Variants in GSK3A observed in about 807,000 individuals in gnomAD.
The protein encoded by GSK3A is glycogen synthase kinase 3 alpha, also known as glycogen synthase kinase-3 alpha.
Under a neutral mutation model 56.6 loss-of-function variants are expected in GSK3A, and 14 were observed. That is an observed-to-expected ratio of 0.25 (90% CI 0.16 to 0.39). GSK3A has a LOEUF of 0.39. GSK3A is among the 10% of genes least tolerant of loss of function. The pLI is 1.00. For missense variants in GSK3A, 450 were observed against 656.0 expected (o/e 0.69, Z 3.43); for synonymous variants, 301 against 285.0 (o/e 1.06, Z -0.56).
In GSK3A at chr19:42,240,060, G is replaced by C. The variant is rs781405859; in HGVS notation, c.366C>G (p.Ile122Met). 1 of 1,614,140 alleles carries C rather than the reference G, an allele frequency of 6.2e-7. No homozygotes were observed. The highest frequency in any genetic ancestry group is 1.1e-5 in the South Asian group (1 of 91,090). Residue 122 changes from isoleucine (I) to methionine (M), a missense_variant, in exon 2 of 11, where the codon ATC becomes ATG. Transcript: ENST00000222330. ...ERSQEVAYTD[I>M]KVIGNGSFGV... ...CAAATGAGCCATTGCCAATCACTTT[G>C]ATGTCCGTGTAAGCCACTTCTTGGG...
Position 42,232,698 on chromosome 19 carries a change from A to C in GSK3A, c.1099-16T>G. ...ATTTGAACACCTGAGGGATGGGTGCAGGGCTCATGAGGGTGAGATGCCCTG... is the reference window on the plus strand; with the variant it reads ...ATTTGAACACCTGAGGGATGGGTGCCGGGCTCATGAGGGTGAGATGCCCTG... On this transcript the variant is annotated splice_polypyrimidine_tract_variant and intron_variant, in intron 8 of 10. Transcript: ENST00000222330. 2 of 1,538,724 alleles carry C rather than the reference A, an allele frequency of 1.3e-6. No individual in the cohort carries two copies. The highest frequency in any genetic ancestry group is 1.8e-6 in the Non-Finnish European group (2 of 1,138,178).
At chr19:42,231,551 C>T (rs1232811512) in intron 10 of GSK3A, among the ~76,000 whole-genome samples, 3 of 151,838 alleles carry the variant, frequency 2.0e-5, no homozygotes, top group South Asian at 2.1e-4. Context: ...GGAGGCCAAG[C>T]GGGAAAATCA....
intron 2 of GSK3A, among the ~76,000 whole-genome samples, chr19:42,237,873 A>C (rs1223636269): frequency 6.6e-6 from 1 of 151,450 alleles, no homozygotes; most frequent in Non-Finnish European, 1.5e-5. Context: ...ACTCTGTCTC[A>C]AAAAATAATA....
chr19:42,237,260 G>C (rs1187743615), intron 2 of GSK3A, among the ~76,000 whole-genome samples: 1 of 151,448 alleles, frequency 6.6e-6, no homozygotes, highest in African/African-American at 2.4e-5. Context: ...CCTGGGTCAA[G>C]CAATTCTCCT....
At chr19:42,233,237 G>A (rs1321626443) in intron 7 of GSK3A, 32 bp from the exon 8 acceptor site, 1 of 1,589,494 alleles carries the variant, frequency 6.3e-7, no homozygotes, top group Admixed American at 1.7e-5. Flanking sequence ...TGAGACAAGG[G>A]CCCCATCCCT....
At chr19:42,230,912 G>A in intron 10 of GSK3A, 45 bp from the exon 11 acceptor site, 2 of 1,324,776 alleles carry the variant, frequency 1.5e-6, no homozygotes, top group Non-Finnish European at 2.1e-6. Flanking sequence ...TTGCCTTTCA[G>A]ACACCCCTTC....
chr19:42,238,464 G>A (rs1323668720), intron 2 of GSK3A, among the ~76,000 whole-genome samples: 3 of 150,844 alleles, frequency 2.0e-5, no homozygotes, highest in Middle Eastern at 3.2e-3. Flanking sequence ...AAAATTAGCC[G>A]AGAGTGGTGG....
intron 2 of GSK3A, among the ~76,000 whole-genome samples, chr19:42,237,842 G>A (rs908861668): frequency 2.6e-5 from 4 of 151,618 alleles, no homozygotes; most frequent in African/African-American, 9.7e-5. Context: ...TCGCGCCACT[G>A]CACTCCAGCC....
At chr19:42,231,498 A>G (rs1421379343) in intron 10 of GSK3A, among the ~76,000 whole-genome samples, 1 of 151,620 alleles carries the variant, frequency 6.6e-6, no homozygotes, top group Admixed American at 6.6e-5. Context: ...CGTGGACACC[A>G]TGGCCAGGCA....
At chr19:42,235,833 T>C (rs2036253508) in intron 4 of GSK3A, among the ~76,000 whole-genome samples, 1 of 152,188 alleles carries the variant, frequency 6.6e-6, no homozygotes. Context: ...GGGACCCGTA[T>C]GCAGGCAGCC....
intron 2 of GSK3A, among the ~76,000 whole-genome samples, chr19:42,238,370 G>A (rs1195679222): frequency 2.1e-5 from 3 of 143,186 alleles, no homozygotes; most frequent in Non-Finnish European, 4.5e-5. Context: ...GTGACAGAAC[G>A]AGATTCTGTC....
At chr19:42,240,445 C>G (rs1046891593) in intron 1 of GSK3A, 3 of 569,748 alleles carry the variant, frequency 5.3e-6, no homozygotes, top group Non-Finnish European at 9.4e-6. Flanking sequence ...ACTGGTCCAT[C>G]TTGGTACTGG....
Position 42,242,217 on chromosome 19 carries a change from G to T in GSK3A, c.249C>A (p.Gly83=). Residue 83 remains glycine, a synonymous_variant, in exon 1 of 11, where the codon GGC becomes GGA. Coordinates refer to ENST00000222330, the MANE Select transcript of GSK3A (RefSeq NM_019884.3). Reference sequence around the variant, plus strand: ...TCACCCCGGGCGGCGGGAAGCTAGTGCCTGCGCCGGGGCCTCCGCTGCCTC... The same window carrying T: ...TCACCCCGGGCGGCGGGAAGCTAGTTCCTGCGCCGGGGCCTCCGCTGCCTC... The part of the protein sequence containing the change: ...GGGGSGGPGA[G]TSFPPPGVKL... 1 of 1,444,346 alleles carries T rather than the reference G, an allele frequency of 6.9e-7. No individual in the cohort carries two copies. The highest frequency in any genetic ancestry group is 9.1e-7 in the Non-Finnish European group (1 of 1,103,776). 89.5% of individuals were successfully genotyped at this position (1,444,346 alleles called of 1,614,324 possible).
Position 42,240,037 on chromosome 19 carries a change from A to C in GSK3A, c.389T>G (p.Phe130Cys). The change falls in exon 2 of 11, where the codon TTT becomes TGT. Residue 130 changes from phenylalanine to cysteine, a missense_variant. Transcript: ENST00000222330. Reference protein sequence around the residue: ...TDIKVIGNGSFGVVYQARLAE... With the variant: ...TDIKVIGNGSCGVVYQARLAE... ...CAGCCGTGCCTGGTACACGACCCCAAATGAGCCATTGCCAATCACTTTGAT... is the reference window on the plus strand; with the variant it reads ...CAGCCGTGCCTGGTACACGACCCCACATGAGCCATTGCCAATCACTTTGAT... 1 of 1,614,124 alleles carries C rather than the reference A, an allele frequency of 6.2e-7. No individual in the cohort carries two copies. Among genetic ancestry groups the C allele is most frequent in the Non-Finnish European group, 8.5e-7 (1 of 1,180,022 alleles).
chr19:42,242,246 C>T lies in GSK3A; in HGVS notation c.220G>A (p.Gly74Arg). The T allele has an allele frequency of 4.2e-6, 6 of 1,434,628 alleles. No homozygotes were observed. The highest frequency in any genetic ancestry group is 5.5e-6 in the Non-Finnish European group (6 of 1,098,440). The allele number at this position is 1,434,628 out of a possible 1,614,324, so 88.9% of individuals were successfully genotyped here. ...SSGGGPGGSG[G>R]GGSGGPGAGT... ...GCGCCGGGGCCTCCGCTGCCTCCTC[C>T]GCCGCTGCCGCCGGGTCCACCCCCG... Residue 74 changes from glycine (G) to arginine (R), a missense_variant, in exon 1 of 11, where the codon GGA (glycine) becomes AGA (arginine). Transcript: ENST00000222330.
In GSK3A at chr19:42,236,684, T is replaced by C; in HGVS notation, c.588A>G (p.Glu196=). 6.2e-7 allele frequency: 1 copy of C among 1,613,870 alleles called. No homozygotes were observed. The highest frequency in any genetic ancestry group is 8.5e-7 in the Non-Finnish European group (1 of 1,179,854). The change falls in exon 4 of 11, where the codon GAA becomes GAG. Residue 196 remains glutamate, a synonymous_variant. Transcript: ENST00000222330. ...KDELYLNLVL[E]YVPETVYRVA... ...CCCGGTACACTGTCTCGGGCACATA[T>C]TCCAGCACCAGATTTAGGTAAAGCT...
intron 8 of GSK3A, 185 bp downstream of exon 8, chr19:42,232,925 T>A (rs1018080714): frequency 4.1e-5 from 24 of 584,600 alleles, no homozygotes; most frequent in Non-Finnish European, 6.2e-5. Flanking sequence ...GAATCTTGAA[T>A]TTACTTGTGG....
Position 42,232,536 on chromosome 19 carries a change from G to T in GSK3A, c.1245C>A (p.Asn415Lys). The T allele has an allele frequency of 6.2e-7, 1 of 1,614,164 alleles. No homozygotes were observed. Among genetic ancestry groups the T allele is most frequent in the East Asian group, 2.2e-5 (1 of 44,886 alleles). Reference sequence around the variant, plus strand: ...TGAAGAGAGGGGGAAGTGGGCGGTTGTTAGGCAGCTGGGTTCCCAGACATC... The same window carrying T: ...TGAAGAGAGGGGGAAGTGGGCGGTTTTTAGGCAGCTGGGTTCCCAGACATC... ...ELRCLGTQLPNNRPLPPLFNF... is the reference protein window; with the variant it reads ...ELRCLGTQLPKNRPLPPLFNF... The change falls in exon 9 of 11, where the codon AAC becomes AAA. Residue 415 changes from asparagine to lysine, a missense_variant. Asn to Lys is a moderately conservative substitution (Grantham distance 94). Transcript: ENST00000222330.
At position 42,242,366 on chromosome 19, in the gene GSK3A, C is replaced by T; in HGVS notation, c.100G>A (p.Gly34Ser). The change falls in exon 1 of 11, where the codon GGC becomes AGC. Residue 34 changes from glycine (G) to serine (S), a missense_variant. Physicochemically the swap from Gly to Ser is moderately conservative, Grantham distance 56. Transcript: ENST00000222330. ...CCGGAGGCCGAGCCTCCGGGGCCGCCGCCGCCTCCTCCGCCTCCGCCGCCG... is the reference window on the plus strand; with the variant it reads ...CCGGAGGCCGAGCCTCCGGGGCCGCTGCCGCCTCCTCCGCCTCCGCCGCCG... Reference protein sequence around the residue: ...EPGGGGGGGGGGPGGSASGPG... With the variant: ...EPGGGGGGGGSGPGGSASGPG... 1 of 1,402,008 alleles carries T rather than the reference C, an allele frequency of 7.1e-7. No homozygotes were observed. The highest frequency in any genetic ancestry group is 9.3e-7 in the Non-Finnish European group (1 of 1,080,634). The allele number at this position is 1,402,008 out of a possible 1,614,324, so 86.8% of individuals were successfully genotyped here. A position where few individuals can be genotyped will look rare whatever the true frequency, so the allele number is the denominator to read the frequency against.
Sources: allele counts gnomAD v4.1 joint callset (sites outside exome capture counted in the v4.1 genomes callset), GRCh38; gene constraint gnomAD v4.1.1; transcripts MANE v1.5; gene names NCBI Gene and HGNC (gene_info 2026-07-23, HGNC 2026-07-21).